The following CCDC30 variants were observed in gnomAD, a reference collection of about 807,000 sequenced individuals.
CCDC30 encodes the protein coiled-coil domain containing 30, also known as coiled-coil domain-containing protein 30.
A neutral mutation model predicts 100.2 loss-of-function variants in CCDC30; 70 were observed. The ratio of observed to expected loss-of-function variants is 0.70; its 90% CI spans 0.58 to 0.85. The LOEUF is 0.85. Among genes scored for constraint, CCDC30 ranks in the 40% least tolerant of loss-of-function variants. CCDC30 has a pLI of 0.00. For missense variants in CCDC30, 652 were observed against 771.2 expected (o/e 0.85, Z 1.83); for synonymous variants, 233 against 269.5 (o/e 0.86, Z 1.33).
intron 6 of CCDC30, among the ~76,000 whole-genome samples, chr1:42,532,819 T>C (rs1644827371): frequency 6.6e-6 from 1 of 152,210 alleles, no homozygotes; most frequent in Non-Finnish European, 1.5e-5. Context: ...CAGGCTGGAG[T>C]GTAGTGGCAC....
chr1:42,511,597 C>T (rs1644478523), intron 6 of CCDC30, among the ~76,000 whole-genome samples: 1 of 152,058 alleles, frequency 6.6e-6, no homozygotes, highest in African/African-American at 2.4e-5. Context: ...AAATTTGGTG[C>T]CAGAGGCCAT....
chr1:42,563,534 G>T (rs1194168412), intron 6 of CCDC30, among the ~76,000 whole-genome samples: 1 of 152,122 alleles, frequency 6.6e-6, no homozygotes, highest in Non-Finnish European at 1.5e-5. Context: ...GTATATCTAT[G>T]TAACAAACCT....
chr1:42,502,356 A>G (rs531971111), intron 6 of CCDC30, among the ~76,000 whole-genome samples: 3 of 152,226 alleles, frequency 2.0e-5, no homozygotes, highest in Admixed American at 6.5e-5. Context: ...GAGTGTCCCA[A>G]TTTTCCAGGT....
chr1:42,461,958 GTTC>G (rs1385586185), upstream of CCDC30, among the ~76,000 whole-genome samples: 1 of 152,186 alleles, frequency 6.6e-6, no homozygotes, highest in Non-Finnish European at 1.5e-5. Flanking sequence ...AGTAGAATAT[GTTC>G]TTCTCTGCAT....
intron 6 of CCDC30, chr1:42,510,044 A>G (rs888257016): frequency 1.0e-6 from 1 of 984,826 alleles, no homozygotes; most frequent in African/African-American, 1.7e-5. Context: ...ATACCATAGA[A>G]AAGTCTCGGG....
At chr1:42,648,557 C>A (rs1022549843) in intron 15 of CCDC30, among the ~76,000 whole-genome samples, 1 of 152,082 alleles carries the variant, frequency 6.6e-6, no homozygotes, top group African/African-American at 2.4e-5. Context: ...GTAATCCCAG[C>A]TACTTGGGAG....
chr1:42,568,414 C>T (rs1210110719), intron 7 of CCDC30, among the ~76,000 whole-genome samples: 1 of 152,202 alleles, frequency 6.6e-6, no homozygotes, highest in Non-Finnish European at 1.5e-5. Flanking sequence ...CGGGCACTGC[C>T]TGTCTACTTT....
rs1202462276 is a variant in CCDC30 at position 42,654,079 on chromosome 1, G to A, written c.*51G>A. Reference sequence around the variant, plus strand: ...GAACAAAAGTGGTAATTTAAAGCCTGGACAAAAGGTGGACCATGACATTGA... The same window carrying A: ...GAACAAAAGTGGTAATTTAAAGCCTAGACAAAAGGTGGACCATGACATTGA... On this transcript the variant is annotated 3_prime_UTR_variant, in exon 17 of 17. Transcript: ENST00000668663. The A allele has an allele frequency of 2.2e-6, 3 of 1,344,702 alleles. No homozygotes were observed. The African/African-American group carries it at 4.4e-5, about 20-fold the overall frequency. The allele number at this position is 1,344,702 out of a possible 1,614,324, so 83.3% of individuals were successfully genotyped here.
intron 2 of CCDC30, 128 bp from the exon 3 acceptor site, chr1:42,482,535 A>C (rs1213959107): frequency 2.0e-6 from 1 of 492,724 alleles, no homozygotes; most frequent in African/African-American, 2.1e-5. Flanking sequence ...ACACACTCAC[A>C]CACACAAAGA....
At chr1:42,488,804 T>A (rs1644091518) in intron 3 of CCDC30, among the ~76,000 whole-genome samples, 1 of 152,244 alleles carries the variant, frequency 6.6e-6, no homozygotes, top group Non-Finnish European at 1.5e-5. Flanking sequence ...TCTTCAGAAC[T>A]TAGAGGTTCA....
At chr1:42,501,575 T>G (rs1644313013) in intron 6 of CCDC30, among the ~76,000 whole-genome samples, 1 of 152,012 alleles carries the variant, frequency 6.6e-6, no homozygotes, top group African/African-American at 2.4e-5. Flanking sequence ...TTTCTCCCCA[T>G]CTTTGTGGTT....
At chr1:42,603,206 C>T (rs1347742752) in intron 10 of CCDC30, among the ~76,000 whole-genome samples, 1 of 152,174 alleles carries the variant, frequency 6.6e-6, no homozygotes, top group Non-Finnish European at 1.5e-5. Flanking sequence ...TCCAATGGCA[C>T]TTTGTTGCTG....
chr1:42,492,773 A>T (rs1383759198), intron 4 of CCDC30, among the ~76,000 whole-genome samples: 1 of 151,996 alleles, frequency 6.6e-6, no homozygotes, highest in East Asian at 1.9e-4. Flanking sequence ...CAGCCTCCCG[A>T]GTAGCTGGAA....
chr1:42,637,023 A>C (rs927794914), intron 11 of CCDC30, among the ~76,000 whole-genome samples: 5 of 149,346 alleles, frequency 3.3e-5, no homozygotes, highest in African/African-American at 9.8e-5. Context: ...TTGAGTCCAC[A>C]GCAGTAGTTA....
At chr1:42,589,454 C>A in exon 10 of CCDC30, 3 of 1,613,524 alleles carry the variant, frequency 1.9e-6, no homozygotes, top group Non-Finnish European at 2.5e-6. Context: ...ACTTAAACAA[C>A]TGGAAAATGA....
chr1:42,521,907 ATG>A (rs1470561700), intron 6 of CCDC30, among the ~76,000 whole-genome samples: 1 of 151,934 alleles, frequency 6.6e-6, no homozygotes, highest in African/African-American at 2.4e-5. Flanking sequence ...TTTGCATGAA[ATG>A]TCTTTTTTTA....
intron 6 of CCDC30, among the ~76,000 whole-genome samples, chr1:42,541,482 A>T (rs1569977457): frequency 6.6e-6 from 1 of 152,238 alleles, no homozygotes; most frequent in Non-Finnish European, 1.5e-5. Flanking sequence ...CTCACGATGT[A>T]ATTCAGATTA....
intron 10 of CCDC30, among the ~76,000 whole-genome samples, chr1:42,605,079 G>A (rs1385560666): frequency 1.3e-5 from 2 of 152,018 alleles, no homozygotes; most frequent in Non-Finnish European, 2.9e-5. Context: ...TTGTATCTCT[G>A]GCCCAATTTC....
At chr1:42,531,812 C>A (rs1644810443) in intron 6 of CCDC30, among the ~76,000 whole-genome samples, 1 of 152,126 alleles carries the variant, frequency 6.6e-6, no homozygotes, top group Non-Finnish European at 1.5e-5. Flanking sequence ...CTGTCAAATA[C>A]AGATAGAAAC....
Sources: allele counts gnomAD v4.1 joint callset (sites outside exome capture counted in the v4.1 genomes callset), GRCh38; gene constraint gnomAD v4.1.1; transcripts MANE v1.5; gene names NCBI Gene and HGNC (gene_info 2026-07-23, HGNC 2026-07-21).